Variants in TMEM132D observed in about 807,000 individuals in gnomAD.
TMEM132D encodes mature OL transmembrane protein.
TMEM132D carries 21 observed loss-of-function variants against 62.3 expected under a neutral mutation model. The observed-to-expected ratio is 0.34, with a 90% CI of 0.24 to 0.49. TMEM132D has a LOEUF of 0.49. Ranked by LOEUF, TMEM132D falls within the 20% of genes least tolerant of loss-of-function variation. The probability of loss-of-function intolerance (pLI) is 0.99; values close to 1 mark genes in which losing one functional copy is unlikely to be tolerated. For missense variants in TMEM132D, 1,346 were observed against 1,402.8 expected (o/e 0.96, Z 0.65); for synonymous variants, 621 against 575.6 (o/e 1.08, Z -1.13).
intron 2 of TMEM132D, among the ~76,000 whole-genome samples, chr12:129,604,703 C>T (rs1486171719): frequency 6.6e-6 from 1 of 152,124 alleles, no homozygotes; most frequent in Non-Finnish European, 1.5e-5. Flanking sequence ...GAAGAAACTC[C>T]TTCCCCTCAT....
intron 2 of TMEM132D, among the ~76,000 whole-genome samples, chr12:129,586,275 G>T (rs537769930): frequency 5.9e-5 from 9 of 151,352 alleles, no homozygotes; most frequent in Non-Finnish European, 1.3e-4. Flanking sequence ...CCATCCTGTG[G>T]CCAACTTCAA....
At position 129,093,722 on chromosome 12, in the gene TMEM132D, A is replaced by G. The variant is rs565611746; in HGVS notation, c.1444-9020T>C. Among the ~76,000 whole-genome samples the G allele has an allele frequency of 7.3e-3, 1,113 of 152,282 alleles. 28 individuals are homozygous for G. The highest frequency in any genetic ancestry group is 0.034 in the Admixed American group (520 of 15,284). On this transcript the variant is annotated intron_variant, in intron 5 of 8. Coordinates refer to ENST00000422113, the MANE Select transcript of TMEM132D (RefSeq NM_133448.3). ...ATGGAACCAAAAAAGAGCCCGCATC[A>G]CCAAGTCAATCCTAAGCCAAAAGAA...
intron 3 of TMEM132D, among the ~76,000 whole-genome samples, chr12:129,432,159 TTGGATGGA>T (rs767215290): frequency 5.9e-4 from 79 of 134,462 alleles, no homozygotes; most frequent in Middle Eastern, 3.8e-3. Context: ...GGATGGATGC[TTGGATGGA>T]TGGATGGATG....
intron 2 of TMEM132D, among the ~76,000 whole-genome samples, chr12:129,604,260 C>A (rs10847911): frequency 0.36 from 55,089 of 151,942 alleles, 10,739 homozygotes; most frequent in Non-Finnish European, 0.43. Flanking sequence ...GGTGCAGCAA[C>A]CCACCATGGC....
At chr12:129,618,507 C>T (rs933846439) in intron 2 of TMEM132D, among the ~76,000 whole-genome samples, 13 of 152,262 alleles carry the variant, frequency 8.5e-5, no homozygotes, top group Admixed American at 8.5e-4. Context: ...AGTTGAGTTA[C>T]TATATTTGGC....
intron 3 of TMEM132D, among the ~76,000 whole-genome samples, chr12:129,473,324 G>T (rs9795770): frequency 0.086 from 7,110 of 82,240 alleles, 669 homozygotes; most frequent in East Asian, 0.21. Context: ...TTTAGTTTTT[G>T]TTTTTTTTTT....
chr12:129,799,739 G>A (rs1242881780), intron 1 of TMEM132D, among the ~76,000 whole-genome samples: 1 of 152,112 alleles, frequency 6.6e-6, no homozygotes, highest in Admixed American at 6.5e-5. Context: ...TTGGTACTGG[G>A]GAGTAGCAGG....
At chr12:129,486,133 G>A (rs909064120) in intron 3 of TMEM132D, among the ~76,000 whole-genome samples, 1 of 152,166 alleles carries the variant, frequency 6.6e-6, no homozygotes, top group Non-Finnish European at 1.5e-5. Context: ...GATCGGTGTC[G>A]GTATTACCTG....
intron 5 of TMEM132D, among the ~76,000 whole-genome samples, chr12:129,177,599 A>G (rs945151026): frequency 1.3e-5 from 2 of 152,074 alleles, no homozygotes; most frequent in African/African-American, 4.8e-5. Flanking sequence ...CTCTACAAAA[A>G]ATGAAAAAGT....
At chr12:129,170,854 A>T (rs148621200) in intron 5 of TMEM132D, among the ~76,000 whole-genome samples, 6 of 152,200 alleles carry the variant, frequency 3.9e-5, no homozygotes, top group African/African-American at 1.4e-4. Context: ...AATCTAAGCC[A>T]TTAACAAGTC....
At chr12:129,264,701 T>C (rs1880640608) in intron 4 of TMEM132D, among the ~76,000 whole-genome samples, 1 of 152,116 alleles carries the variant, frequency 6.6e-6, no homozygotes, top group Non-Finnish European at 1.5e-5. Context: ...GATAAAGAAA[T>C]TGTGGTATAT....
intron 5 of TMEM132D, among the ~76,000 whole-genome samples, chr12:129,184,335 C>T (rs1428914701): frequency 6.6e-6 from 1 of 152,180 alleles, no homozygotes; most frequent in Non-Finnish European, 1.5e-5. Flanking sequence ...GAGGGCCTGC[C>T]TGTGTGTGCA....
chr12:129,582,623 C>T (rs201182006), intron 2 of TMEM132D, among the ~76,000 whole-genome samples: 3 of 146,174 alleles, frequency 2.1e-5, no homozygotes, highest in African/African-American at 7.6e-5. Flanking sequence ...TTCTTTCTTT[C>T]TTTTTTTTTT....
At chr12:129,672,526 C>T (rs1027553889) in intron 2 of TMEM132D, among the ~76,000 whole-genome samples, 6 of 152,036 alleles carry the variant, frequency 3.9e-5, no homozygotes, top group African/African-American at 7.2e-5. Context: ...GGGAAGAATA[C>T]GATTTAGGTA....
intron 1 of TMEM132D, among the ~76,000 whole-genome samples, chr12:129,735,422 C>T (rs1472080400): frequency 6.6e-6 from 1 of 152,162 alleles, no homozygotes; most frequent in Admixed American, 6.5e-5. Context: ...TCAAATTATA[C>T]ATTAGCATAA....
intron 2 of TMEM132D, among the ~76,000 whole-genome samples, chr12:129,693,899 G>C (rs1881127580): frequency 1.3e-5 from 2 of 152,232 alleles, no homozygotes; most frequent in Admixed American, 1.3e-4. Context: ...ACCTCCCCCA[G>C]ACATGCTTCC....
intron 3 of TMEM132D, among the ~76,000 whole-genome samples, chr12:129,458,674 T>C (rs1215859283): frequency 1.3e-5 from 2 of 152,094 alleles, no homozygotes; most frequent in African/African-American, 4.8e-5. Context: ...GTCCAGGAAA[T>C]TGGCAGTGGG....
intron 1 of TMEM132D, among the ~76,000 whole-genome samples, chr12:129,874,396 C>G (rs184916819): frequency 6.6e-6 from 1 of 151,718 alleles, no homozygotes; most frequent in East Asian, 1.9e-4. Context: ...GGTGACAGAG[C>G]GAGACTCTGT....
At chr12:129,347,273 A>G (rs1869716468) in intron 3 of TMEM132D, among the ~76,000 whole-genome samples, 1 of 152,228 alleles carries the variant, frequency 6.6e-6, no homozygotes, top group African/African-American at 2.4e-5. Flanking sequence ...CAAAAAGAAC[A>G]AAGCTGGCAG....
Sources: gnomAD v4.1 joint callset for allele counts (sites outside exome capture counted in the v4.1 genomes callset) on GRCh38, gnomAD v4.1.1 for gene constraint, MANE v1.5 for transcripts, NCBI Gene and HGNC (gene_info 2026-07-23, HGNC 2026-07-21) for gene names.